The following RALYL variants were observed in gnomAD, a reference collection of about 807,000 sequenced individuals.
RALYL encodes RALY RNA binding protein like.
A neutral mutation model predicts 35.1 loss-of-function variants in RALYL; 29 were observed. The ratio of observed to expected loss-of-function variants is 0.83; its 90% CI spans 0.61 to 1.13. The LOEUF (loss-of-function observed/expected upper bound fraction) is 1.13. Among genes scored for constraint, RALYL ranks in the 50% most tolerant of loss-of-function variants. The probability of loss-of-function intolerance (pLI) is 0.00; values close to 1 mark genes in which losing one functional copy is unlikely to be tolerated. For missense variants in RALYL, 359 were observed against 360.4 expected, an observed-to-expected ratio of 1.00 and a Z score of 0.03; for synonymous variants, 120 against 127.6, an observed-to-expected ratio of 0.94 and a Z score of 0.40.
At chr8:84,410,673 C>T (rs1056354616) in intron 1 of RALYL, among the ~76,000 whole-genome samples, 4 of 151,574 alleles carry the variant, frequency 2.6e-5, no homozygotes, top group Non-Finnish European at 5.9e-5. Context: ...TATATATTGA[C>T]ATTATATTTT....
At chr8:84,523,886 G>T (rs1438100420) in intron 1 of RALYL, among the ~76,000 whole-genome samples, 3 of 151,928 alleles carry the variant, frequency 2.0e-5, no homozygotes, top group Non-Finnish European at 4.4e-5. Context: ...TGTTGTATAT[G>T]TGCCACATTT....
At chr8:84,711,939 A>T (rs1842250828) in intron 2 of RALYL, among the ~76,000 whole-genome samples, 1 of 152,158 alleles carries the variant, frequency 6.6e-6, no homozygotes, top group African/African-American at 2.4e-5. Context: ...TTCATATCTT[A>T]AGTGTTGATC....
chr8:84,854,374 G>T (rs1286566526), intron 5 of RALYL, among the ~76,000 whole-genome samples: 2 of 145,432 alleles, frequency 1.4e-5, no homozygotes, highest in Admixed American at 7.0e-5. Context: ...GGAAGAAAAA[G>T]AAAAAAAAAT....
chr8:84,464,587 G>A (rs1329694146), intron 1 of RALYL, among the ~76,000 whole-genome samples: 7 of 150,002 alleles, frequency 4.7e-5, no homozygotes, highest in African/African-American at 1.7e-4. Flanking sequence ...TGTGAATAAT[G>A]CCGCAATAAA....
chr8:84,798,886 C>T (rs1453616795), intron 3 of RALYL, among the ~76,000 whole-genome samples: 1 of 152,124 alleles, frequency 6.6e-6, no homozygotes, highest in Non-Finnish European at 1.5e-5. Context: ...AGCAAGATGC[C>T]ACCCAGACAG....
At chr8:84,306,748 A>G (rs975261239) in intron 1 of RALYL, among the ~76,000 whole-genome samples, 1 of 152,206 alleles carries the variant, frequency 6.6e-6, no homozygotes, top group African/African-American at 2.4e-5. Flanking sequence ...TTGAACAAAG[A>G]TGAGGATTAA....
At position 84,680,612 on chromosome 8, in the gene RALYL, T is replaced by C. The variant is rs1270225528; in HGVS notation, c.257-93967T>C. Among the ~76,000 whole-genome samples the C allele has an allele frequency of 6.6e-5, 10 of 152,344 alleles. No individual in the cohort carries two copies. The East Asian group carries it at 1.2e-3, about 18-fold the overall frequency. The stretch of plus-strand genomic sequence containing the variant: ...CTCTGATGGCCAGTGATGATGGGCA[T>C]TTTTTCATGTGTCTTTTGGCTGCAT... On this transcript the variant is annotated intron_variant, in intron 2 of 8. Transcript: ENST00000521268.
intron 2 of RALYL, among the ~76,000 whole-genome samples, chr8:84,688,954 A>G (rs573024881): frequency 1.8e-4 from 27 of 152,268 alleles, no homozygotes; most frequent in Non-Finnish European, 7.4e-5. Flanking sequence ...GCCAACAGGT[A>G]TACGAAAAAA....
intron 1 of RALYL, among the ~76,000 whole-genome samples, chr8:84,259,862 A>C (rs1420027211): frequency 6.6e-6 from 1 of 152,170 alleles, no homozygotes; most frequent in Non-Finnish European, 1.5e-5. Context: ...GCTCATGAAT[A>C]CACACACTGC....
rs549305030 is a variant in RALYL, at chr8:84,253,519, T to C, written c.-24+69095T>C. On this transcript the variant is annotated intron_variant, in intron 1 of 8. Transcript: ENST00000521268. ...CTGGCCCTGTAGTCTCATTTTACTTTATTTACTGTTGAATGAAGAGGACTT... is the reference window on the plus strand; with the variant it reads ...CTGGCCCTGTAGTCTCATTTTACTTCATTTACTGTTGAATGAAGAGGACTT... 1.9e-4 allele frequency among the ~76,000 whole-genome samples: 29 copies of C among 152,040 alleles called. 2 individuals are homozygous for C. The highest frequency in any genetic ancestry group is 1.8e-3 in the Admixed American group (27 of 15,242).
At chr8:84,259,467 C>T (rs951591943) in intron 1 of RALYL, among the ~76,000 whole-genome samples, 1 of 152,096 alleles carries the variant, frequency 6.6e-6, no homozygotes, top group African/African-American at 2.4e-5. Flanking sequence ...TCTAATTGTT[C>T]AGTAAAATGA....
rs927102827 is a variant in RALYL at position 84,887,592 on chromosome 8, T to C, written c.686-12T>C. On this transcript the variant is annotated splice_polypyrimidine_tract_variant and intron_variant, in intron 7 of 8. Transcript: ENST00000521268. Reference sequence around the variant, plus strand: ...CCCAAGGTAGTAGTCATTTGCTTTCTCCCCCCCCCAGAAGCTCAGAAGAAG... The same window carrying C: ...CCCAAGGTAGTAGTCATTTGCTTTCCCCCCCCCCCAGAAGCTCAGAAGAAG... 9 of 1,570,218 alleles carry C rather than the reference T, an allele frequency of 5.7e-6. No homozygotes were observed. The highest frequency in any genetic ancestry group is 1.7e-6 in the Non-Finnish European group (2 of 1,155,164).
At chr8:84,261,003 C>T (rs1832154973) in intron 1 of RALYL, among the ~76,000 whole-genome samples, 1 of 151,684 alleles carries the variant, frequency 6.6e-6, no homozygotes, top group African/African-American at 2.4e-5. Context: ...TTTTTATGAT[C>T]TATATATTTA....
chr8:84,526,918 T>G (rs1187877738), intron 1 of RALYL, among the ~76,000 whole-genome samples: 3 of 152,232 alleles, frequency 2.0e-5, no homozygotes, highest in Non-Finnish European at 4.4e-5. Context: ...TTCATCTATA[T>G]TTCCCTGGTT....
chr8:84,446,147 G>A (rs955056367), intron 1 of RALYL, among the ~76,000 whole-genome samples: 1 of 151,892 alleles, frequency 6.6e-6, no homozygotes, highest in Non-Finnish European at 1.5e-5. Flanking sequence ...TGATATGTGT[G>A]CTTATATTTC....
intron 2 of RALYL, among the ~76,000 whole-genome samples, chr8:84,611,969 AT>A (rs1478738571): frequency 6.6e-6 from 1 of 151,692 alleles, no homozygotes; most frequent in African/African-American, 2.4e-5. Context: ...ATTTGTCTCC[AT>A]TTTTTTAAAT....
At chr8:84,866,564 C>T (rs943471006) in intron 6 of RALYL, among the ~76,000 whole-genome samples, 5 of 152,088 alleles carry the variant, frequency 3.3e-5, no homozygotes, top group Non-Finnish European at 7.4e-5. Context: ...CAGCAAGGTA[C>T]TTGCTTGCTG....
At position 84,471,222 on chromosome 8, in the gene RALYL, A is replaced by G. The variant is rs146935858; in HGVS notation, c.-23-58077A>G. On this transcript the variant is annotated intron_variant, in intron 1 of 8. Transcript: ENST00000521268. The stretch of plus-strand genomic sequence containing the variant: ...ACTAATATATTGCAAAGTTATTGCT[A>G]TTAAGAGAAATGCAGGTTTTTAAAA... Among the ~76,000 whole-genome samples, 203 of 152,302 alleles carry G rather than the reference A, an allele frequency of 1.3e-3. 1 individual carries two copies. The highest frequency in any genetic ancestry group is 1.9e-4 in the Non-Finnish European group (13 of 68,026).
chr8:84,688,834 G>C (rs1589021749), intron 2 of RALYL, among the ~76,000 whole-genome samples: 2 of 151,940 alleles, frequency 1.3e-5, no homozygotes, highest in Non-Finnish European at 2.9e-5. Flanking sequence ...ATCTCAAAAT[G>C]GGTTAATATC....
Sources: gnomAD v4.1 joint callset for allele counts (sites outside exome capture counted in the v4.1 genomes callset) on GRCh38, gnomAD v4.1.1 for gene constraint, MANE v1.5 for transcripts, NCBI Gene and HGNC (gene_info 2026-07-23, HGNC 2026-07-21) for gene names.